Variants in BMPR2 observed in about 807,000 individuals in gnomAD.
BMPR2 encodes the protein bone morphogenetic protein receptor type 2.
BMPR2 carries 29 observed loss-of-function variants against 100.8 expected under a neutral mutation model. The observed-to-expected ratio is 0.29, with a 90% CI of 0.21 to 0.39. The LOEUF is 0.39. Ranked by LOEUF, BMPR2 falls within the 10% of genes least tolerant of loss-of-function variation. The pLI is 1.00. For missense variants in BMPR2, 1,011 were observed against 1,274.5 expected, an observed-to-expected ratio of 0.79 and a Z score of 3.15; for synonymous variants, 382 against 442.3, an observed-to-expected ratio of 0.86 and a Z score of 1.71.
chr2:202,506,606 T>C (rs1687525014), intron 3 of BMPR2, among the ~76,000 whole-genome samples: 1 of 152,040 alleles, frequency 6.6e-6, no homozygotes, highest in Admixed American at 6.6e-5. Context: ...GCAGGGCACA[T>C]ATTCTGTCCA....
chr2:202,484,344 TTCCC>T (rs1183696365), intron 3 of BMPR2, among the ~76,000 whole-genome samples: 1 of 121,546 alleles, frequency 8.2e-6, no homozygotes, highest in Non-Finnish European at 1.7e-5. Flanking sequence ...CCTTCCTTCC[TTCCC>T]TCCCTCCCTC....
intron 3 of BMPR2, among the ~76,000 whole-genome samples, chr2:202,511,904 C>T (rs541132230): frequency 7.8e-4 from 119 of 151,874 alleles, no homozygotes; most frequent in Non-Finnish European, 1.5e-3. Context: ...ACCTATAATC[C>T]CAGCAACTCA....
intron 11 of BMPR2, among the ~76,000 whole-genome samples, chr2:202,553,328 T>C (rs1036655932): frequency 2.6e-5 from 4 of 152,176 alleles, no homozygotes; most frequent in African/African-American, 9.7e-5. Context: ...GTTTGTAGAC[T>C]TCCTATCTAA....
At chr2:202,388,482 CCTT>C (rs1690480128) in intron 1 of BMPR2, among the ~76,000 whole-genome samples, 1 of 150,024 alleles carries the variant, frequency 6.7e-6, no homozygotes, top group Admixed American at 6.7e-5. Context: ...CTTGCTAAGG[CCTT>C]CTTTTAAAAG....
In BMPR2 at chr2:202,467,559, T is replaced by C. The variant is rs749485755; in HGVS notation, c.288T>C (p.Tyr96=). 6.4e-6 allele frequency: 10 copies of C among 1,570,530 alleles called. No homozygotes were observed. Among genetic ancestry groups the C allele is most frequent in the Middle Eastern group, 1.7e-4 (1 of 5,980 alleles). The change falls in exon 3 of 13, where the codon TAT becomes TAC. Residue 96 remains tyrosine, a synonymous_variant. Coordinates refer to ENST00000374580, the MANE Select transcript of BMPR2 (RefSeq NM_001204.7). ...SHIGDPQECH[Y]EECVVTTTPP... Reference sequence around the variant, plus strand: ...TTGGAGATCCCCAAGAGTGTCACTATGAAGAATGTGTAGTAACTACCACTC... The same window carrying C: ...TTGGAGATCCCCAAGAGTGTCACTACGAAGAATGTGTAGTAACTACCACTC...
intron 9 of BMPR2, among the ~76,000 whole-genome samples, chr2:202,538,456 C>G (rs183373909): frequency 6.6e-6 from 1 of 150,640 alleles, no homozygotes; most frequent in East Asian, 2.0e-4. Context: ...GACTCCATCT[C>G]TTAAAGAAAA....
chr2:202,384,349 C>T (rs892362152), intron 1 of BMPR2, among the ~76,000 whole-genome samples: 1 of 152,058 alleles, frequency 6.6e-6, no homozygotes, highest in Non-Finnish European at 1.5e-5. Flanking sequence ...TTAAATGTGT[C>T]GACGGTGGAC....
chr2:202,407,163 G>A (rs1022770727), intron 1 of BMPR2, among the ~76,000 whole-genome samples: 9 of 151,478 alleles, frequency 5.9e-5, no homozygotes, highest in African/African-American at 1.9e-4. Context: ...GGCTGGTTTC[G>A]AACTCCTGAC....
chr2:202,419,930 C>T (rs1403474748), intron 1 of BMPR2, among the ~76,000 whole-genome samples: 4 of 152,102 alleles, frequency 2.6e-5, no homozygotes, highest in African/African-American at 9.7e-5. Context: ...AGGAGGATGG[C>T]TTTAGGCCAG....
intron 9 of BMPR2, among the ~76,000 whole-genome samples, chr2:202,534,205 T>G (rs966129384): frequency 1.4e-5 from 2 of 139,234 alleles, no homozygotes; most frequent in South Asian, 4.3e-4. Flanking sequence ...CACATATATA[T>G]GTATCGTGTG....
At chr2:202,527,258 T>A (rs1022526857) in intron 7 of BMPR2, among the ~76,000 whole-genome samples, 1 of 141,618 alleles carries the variant, frequency 7.1e-6, no homozygotes. Context: ...GAGGCCGAGG[T>A]GGGTGGATCG....
At chr2:202,520,318 G>A (rs1346116811) in intron 7 of BMPR2, 117 bp downstream of exon 7, 6 of 780,632 alleles carry the variant, frequency 7.7e-6, no homozygotes, top group Non-Finnish European at 1.3e-5. Context: ...TTTATTATTA[G>A]TCAGTTGTTT....
intron 7 of BMPR2, among the ~76,000 whole-genome samples, chr2:202,528,425 G>A (rs1687958646): frequency 6.6e-6 from 1 of 152,118 alleles, no homozygotes; most frequent in Non-Finnish European, 1.5e-5. Flanking sequence ...CTGACCTCGT[G>A]ATCCACCCGC....
At chr2:202,552,643 TG>T in intron 10 of BMPR2, 72 bp from the exon 11 acceptor site, 1 of 1,508,432 alleles carries the variant, frequency 6.6e-7, no homozygotes, top group Non-Finnish European at 9.2e-7. Context: ...TTTTACCTCA[TG>T]TGGTAAACTG....
Position 202,564,422 on chromosome 2 carries a change from T to C in BMPR2, c.*4476T>C, listed in dbSNP as rs182801062. 2.0e-5 allele frequency: 3 copies of C among 152,340 alleles called. No individual in the cohort carries two copies. The highest frequency in any genetic ancestry group is 2.0e-4 in the Admixed American group (3 of 15,300). 9.4% of individuals were successfully genotyped at this position (152,340 alleles called of 1,614,324 possible). On this transcript the variant is annotated 3_prime_UTR_variant, in exon 13 of 13. Coordinates refer to ENST00000374580, the MANE Select transcript of BMPR2 (RefSeq NM_001204.7). ...TGTTGATTATCTAGACCAGTCATTCTGGAAATTGTAACACTCCCACATAAA... is the reference window on the plus strand; with the variant it reads ...TGTTGATTATCTAGACCAGTCATTCCGGAAATTGTAACACTCCCACATAAA...
intron 1 of BMPR2, among the ~76,000 whole-genome samples, chr2:202,396,793 C>CTT (rs10669803): frequency 0.98 from 148,519 of 151,688 alleles, 72,776 homozygotes; most frequent in East Asian, 1. Context: ...GAGCAAGAAA[C>CTT]TATTTTTTTT....
In BMPR2 at chr2:202,513,741, A is replaced by T. The variant is rs1224201165; in HGVS notation, c.441A>T (p.Arg147=). 1 of 1,613,324 alleles carries T rather than the reference A, an allele frequency of 6.2e-7. No homozygotes were observed. The highest frequency in any genetic ancestry group is 8.5e-7 in the Non-Finnish European group (1 of 1,179,586). Residue 147 remains arginine, a synonymous_variant, in exon 4 of 13, where the codon CGA becomes CGT. Coordinates refer to ENST00000374580, the MANE Select transcript of BMPR2 (RefSeq NM_001204.7). ...TPLSPPHSFN[R]DETIIIALAS... Reference sequence around the variant, plus strand: ...TAGGTCCACCTCATTCATTTAACCGAGATGAGACAATAATCATTGCTTTGG... The same window carrying T: ...TAGGTCCACCTCATTCATTTAACCGTGATGAGACAATAATCATTGCTTTGG...
chr2:202,408,878 C>G (rs964823392), intron 1 of BMPR2, among the ~76,000 whole-genome samples: 1 of 152,108 alleles, frequency 6.6e-6, no homozygotes, highest in Non-Finnish European at 1.5e-5. Flanking sequence ...GTTGCTTTAT[C>G]TGCTTTGTGG....
intron 1 of BMPR2, among the ~76,000 whole-genome samples, chr2:202,451,063 G>A (rs1691967963): frequency 6.6e-6 from 1 of 152,072 alleles, no homozygotes; most frequent in Non-Finnish European, 1.5e-5. Flanking sequence ...TCATTCCAGG[G>A]TAAAGATAAG....
Sources: allele counts gnomAD v4.1 joint callset (sites outside exome capture counted in the v4.1 genomes callset), GRCh38; gene constraint gnomAD v4.1.1; transcripts MANE v1.5; gene names NCBI Gene and HGNC (gene_info 2026-07-23, HGNC 2026-07-21).